Variants in GRID2 observed in about 807,000 individuals in gnomAD.
The protein encoded by GRID2 is glutamate receptor ionotropic, delta-2.
In GRID2, 33 loss-of-function variants were observed where a neutral mutation model predicts 114.8. That is an observed-to-expected ratio of 0.29 (90% CI 0.22 to 0.38). GRID2 has a LOEUF of 0.38. Ranked by LOEUF, GRID2 falls within the 10% of genes least tolerant of loss-of-function variation. GRID2 has a pLI of 1.00. For missense variants in GRID2, 1,184 were observed against 1,257.7 expected, an observed-to-expected ratio of 0.94 and a Z score of 0.89; for synonymous variants, 505 against 449.9, an observed-to-expected ratio of 1.12 and a Z score of -1.55.
rs561802330 is a variant in GRID2 at position 93,565,097 on chromosome 4, T to C, written c.2193+49686T>C. On this transcript the variant is annotated intron_variant, in intron 13 of 15. Coordinates refer to ENST00000282020, the MANE Select transcript of GRID2 (RefSeq NM_001510.4). ...ATTAGCTTAATTATAGAACTTTATA[T>C]AAATATTTCCTTACTAAAAGATTTT... Among the ~76,000 whole-genome samples, 11 of 152,208 alleles carry C rather than the reference T, an allele frequency of 7.2e-5. No homozygotes were observed. The East Asian group carries it at 2.1e-3, about 29-fold the overall frequency.
intron 2 of GRID2, among the ~76,000 whole-genome samples, chr4:92,675,215 A>C (rs1453579124): frequency 2.0e-5 from 3 of 152,152 alleles, no homozygotes; most frequent in Non-Finnish European, 4.4e-5. Context: ...TGGGGTATTC[A>C]TCAAAGATTC....
intron 8 of GRID2, among the ~76,000 whole-genome samples, chr4:93,352,427 C>T (rs953314910): frequency 6.6e-6 from 1 of 152,006 alleles, no homozygotes; most frequent in Non-Finnish European, 1.5e-5. Context: ...GAGTCAGAAA[C>T]AGCTACATGT....
chr4:92,328,701 T>C (rs1160844568), intron 1 of GRID2, among the ~76,000 whole-genome samples: 1 of 152,072 alleles, frequency 6.6e-6, no homozygotes, highest in Admixed American at 6.6e-5. Flanking sequence ...CTTTGTTAGC[T>C]TAAGGAACTA....
chr4:93,439,101 G>A (rs1485303639), intron 10 of GRID2, among the ~76,000 whole-genome samples: 20 of 152,112 alleles, frequency 1.3e-4, no homozygotes, highest in Middle Eastern at 3.4e-3. Flanking sequence ...ATTTGGGTTG[G>A]TTCCAAGTCT....
intron 2 of GRID2, among the ~76,000 whole-genome samples, chr4:92,746,024 G>A (rs185419013): frequency 6.6e-6 from 1 of 152,094 alleles, no homozygotes. Context: ...ACATAAACAT[G>A]AGAGAATAAA....
At chr4:93,058,462 G>A (rs1286937580) in intron 2 of GRID2, among the ~76,000 whole-genome samples, 1 of 151,786 alleles carries the variant, frequency 6.6e-6, no homozygotes, top group East Asian at 1.9e-4. Context: ...ATCACCATTT[G>A]TTTTTATTTG....
At chr4:92,627,567 T>C (rs1000264156) in intron 2 of GRID2, among the ~76,000 whole-genome samples, 4 of 152,106 alleles carry the variant, frequency 2.6e-5, no homozygotes, top group African/African-American at 9.7e-5. Context: ...TTTGCTAACT[T>C]CTTATATCCA....
intron 10 of GRID2, among the ~76,000 whole-genome samples, chr4:93,427,369 T>G (rs1301171494): frequency 2.0e-5 from 3 of 152,034 alleles, no homozygotes; most frequent in Admixed American, 6.6e-5. Flanking sequence ...ATATACATAC[T>G]TTTGTGAATC....
At chr4:93,741,178 T>C (rs1394380767) in intron 14 of GRID2, among the ~76,000 whole-genome samples, 1 of 28,440 alleles carries the variant, frequency 3.5e-5, no homozygotes, top group Admixed American at 4.8e-4. Context: ...TATATACATA[T>C]ATATATATAT....
intron 2 of GRID2, among the ~76,000 whole-genome samples, chr4:93,035,922 A>G (rs1251368844): frequency 6.6e-6 from 1 of 152,172 alleles, no homozygotes; most frequent in Non-Finnish European, 1.5e-5. Context: ...GTGAAGGAAT[A>G]TGACAGCCTG....
intron 2 of GRID2, among the ~76,000 whole-genome samples, chr4:93,079,214 A>G (rs1729632497): frequency 6.6e-6 from 1 of 151,934 alleles, no homozygotes; most frequent in African/African-American, 2.4e-5. Context: ...AGGTCTGATT[A>G]AAAGTGTACT....
At chr4:92,421,740 C>T (rs764239411) in intron 1 of GRID2, among the ~76,000 whole-genome samples, 2 of 152,152 alleles carry the variant, frequency 1.3e-5, no homozygotes, top group Admixed American at 6.6e-5. Flanking sequence ...CCCACTGCTT[C>T]ACTTTCCTAT....
intron 12 of GRID2, among the ~76,000 whole-genome samples, chr4:93,491,715 T>G (rs1276448735): frequency 6.6e-6 from 1 of 151,900 alleles, no homozygotes; most frequent in Non-Finnish European, 1.5e-5. Context: ...GAATGTAACT[T>G]GTTTGGAAAA....
chr4:93,689,339 T>TA (rs1341629772), intron 14 of GRID2, among the ~76,000 whole-genome samples: 1 of 152,076 alleles, frequency 6.6e-6, no homozygotes, highest in Non-Finnish European at 1.5e-5. Context: ...TGGGTGTCAA[T>TA]ATGTTGAATT....
intron 7 of GRID2, among the ~76,000 whole-genome samples, chr4:93,226,937 T>C (rs1745550025): frequency 6.6e-6 from 1 of 152,180 alleles, no homozygotes; most frequent in Non-Finnish European, 1.5e-5. Flanking sequence ...GCCCAAGCTT[T>C]ACCTGGGTCC....
At position 93,772,683 on chromosome 4, in the gene GRID2, CT is replaced by C. The variant is rs1734206778; in HGVS notation, c.*186del. 3 of 544,174 alleles carry C rather than the reference CT, an allele frequency of 5.5e-6. No individual in the cohort carries two copies. The South Asian group carries it at 9.0e-5, about 16-fold the overall frequency. The allele number at this position is 544,174 out of a possible 1,614,324, so 33.7% of individuals were successfully genotyped here. ...CCTCTATGATTTTCTCTCTTTCCCC[CT>C]CCCTTCCTGTACATTTTCCTCCACT... On this transcript the variant is annotated 3_prime_UTR_variant, in exon 16 of 16. Coordinates refer to ENST00000282020, the MANE Select transcript of GRID2 (RefSeq NM_001510.4).
intron 1 of GRID2, among the ~76,000 whole-genome samples, chr4:93,798,067 T>C (rs2218121): frequency 0.91 from 139,145 of 152,162 alleles, 63,832 homozygotes; most frequent in East Asian, 1. Flanking sequence ...GCAGGAGAAT[T>C]GCTTGAACTT....
intron 1 of GRID2, among the ~76,000 whole-genome samples, chr4:92,339,266 A>G (rs184207582): frequency 5.9e-5 from 9 of 152,238 alleles, no homozygotes; most frequent in Admixed American, 5.2e-4. Context: ...ATGCTGTTCT[A>G]TCTATGTTGC....
intron 1 of GRID2, among the ~76,000 whole-genome samples, chr4:92,384,585 A>ATG (rs1729822822): frequency 2.1e-5 from 1 of 47,416 alleles, no homozygotes. Context: ...AAAATATATT[A>ATG]TATTATATAT....
Sources: gnomAD v4.1 joint callset for allele counts (sites outside exome capture counted in the v4.1 genomes callset) on GRCh38, gnomAD v4.1.1 for gene constraint, MANE v1.5 for transcripts, NCBI Gene and HGNC (gene_info 2026-07-23, HGNC 2026-07-21) for gene names.